The following ERC1 variants were observed in gnomAD, a reference collection of about 807,000 sequenced individuals.
ERC1 encodes the protein RAB6 interacting protein 2.
A neutral mutation model predicts 132.0 loss-of-function variants in ERC1; 56 were observed. The ratio of observed to expected loss-of-function variants is 0.42; its 90% CI spans 0.34 to 0.53. ERC1 has a LOEUF of 0.53. ERC1 is among the 20% of genes least tolerant of loss of function. The probability of loss-of-function intolerance (pLI) is 0.03; values close to 1 mark genes in which losing one functional copy is unlikely to be tolerated. For missense variants in ERC1, 1,202 were observed against 1,349.9 expected (o/e 0.89, Z 1.72); for synonymous variants, 478 against 476.1 (o/e 1.00, Z -0.05).
rs377004883 is a variant in ERC1 at position 1,297,602 on chromosome 12, G to A, written c.2780+7590G>A. Among the ~76,000 whole-genome samples, 56 of 150,288 alleles carry A rather than the reference G, an allele frequency of 3.7e-4. 2 individuals are homozygous for A. The South Asian group carries it at 0.011, about 30-fold the overall frequency. ...GCTCATACTCTTGTTCCAATTACTT[G>A]GGAGGCTGAGACTGAGGATTCCTGG... On this transcript the variant is annotated intron_variant, in intron 15 of 18. Transcript: ENST00000360905.
At chr12:1,248,390 G>A (rs1313011696) in intron 13 of ERC1, among the ~76,000 whole-genome samples, 3 of 152,160 alleles carry the variant, frequency 2.0e-5, no homozygotes, top group Non-Finnish European at 2.9e-5. Flanking sequence ...AGGACACTGT[G>A]ATAGATGATG....
At chr12:1,194,519 G>T (rs566264208) in intron 12 of ERC1, among the ~76,000 whole-genome samples, 1 of 152,090 alleles carries the variant, frequency 6.6e-6, no homozygotes, top group Non-Finnish European at 1.5e-5. Context: ...TTTCACTCAC[G>T]CTGTCCATCT....
intron 17 of ERC1, among the ~76,000 whole-genome samples, chr12:1,432,936 C>T (rs975906818): frequency 5.9e-5 from 9 of 152,350 alleles, no homozygotes; most frequent in Middle Eastern, 3.4e-3. Flanking sequence ...AAACTGAATA[C>T]CCAGTCATTA....
At chr12:1,279,025 C>T (rs1044924314) in intron 14 of ERC1, among the ~76,000 whole-genome samples, 1 of 151,982 alleles carries the variant, frequency 6.6e-6, no homozygotes, top group African/African-American at 2.4e-5. Flanking sequence ...ATTTAAAATC[C>T]TTCTAAGTGA....
At chr12:1,072,294 A>T (rs889619925) in intron 2 of ERC1, among the ~76,000 whole-genome samples, 1 of 152,242 alleles carries the variant, frequency 6.6e-6, no homozygotes, top group Non-Finnish European at 1.5e-5. Context: ...GAATTGGCAG[A>T]TAACCAAGGA....
At chr12:1,454,297 A>T (rs904434521) in intron 18 of ERC1, among the ~76,000 whole-genome samples, 1 of 152,170 alleles carries the variant, frequency 6.6e-6, no homozygotes, top group Non-Finnish European at 1.5e-5. Flanking sequence ...CATTTGTGTT[A>T]TCCTTTGAAA....
At chr12:1,487,649 G>C (rs2094247811) in intron 18 of ERC1, among the ~76,000 whole-genome samples, 1 of 150,504 alleles carries the variant, frequency 6.6e-6, no homozygotes, top group Non-Finnish European at 1.5e-5. Context: ...GAGGTCAGGA[G>C]GTCGAGGCCA....
At chr12:1,315,494 G>A (rs2154351801) in intron 15 of ERC1, among the ~76,000 whole-genome samples, 1 of 151,970 alleles carries the variant, frequency 6.6e-6, no homozygotes, top group African/African-American at 2.4e-5. Context: ...GGGATTACAG[G>A]TGCCCGCCAC....
chr12:1,110,250 T>A lies in ERC1; in HGVS notation c.1220T>A (p.Met407Lys). 8 of 1,613,602 alleles carry A rather than the reference T, an allele frequency of 5.0e-6. No individual in the cohort carries two copies. The highest frequency in any genetic ancestry group is 6.8e-6 in the Non-Finnish European group (8 of 1,179,742). The change falls in exon 5 of 19, where the codon ATG becomes AAG. Residue 407 changes from methionine to lysine, a missense_variant. Met to Lys is a moderately conservative substitution (Grantham distance 95). Coordinates refer to ENST00000360905, the MANE Select transcript of ERC1 (RefSeq NM_178040.4). ...CGAGACCTGGAAGAGGAAATTCAGATGCTGAAATCGAATGGTGCTTTGAGT... is the reference window on the plus strand; with the variant it reads ...CGAGACCTGGAAGAGGAAATTCAGAAGCTGAAATCGAATGGTGCTTTGAGT... ...GLRDLEEEIQMLKSNGALSTE... is the reference protein window; with the variant it reads ...GLRDLEEEIQKLKSNGALSTE...
intron 17 of ERC1, among the ~76,000 whole-genome samples, chr12:1,411,225 T>C (rs979531283): frequency 1.3e-5 from 2 of 152,152 alleles, no homozygotes; most frequent in African/African-American, 4.8e-5. Context: ...TCTGATGCCC[T>C]TGAGGTTTGA....
intron 3 of ERC1, among the ~76,000 whole-genome samples, chr12:1,095,290 C>T (rs961454969): frequency 1.3e-5 from 2 of 150,638 alleles, no homozygotes; most frequent in Non-Finnish European, 2.9e-5. Flanking sequence ...ATTAGCCAGG[C>T]ATGGTGGTGC....
chr12:1,120,678 T>C (rs1593431181), intron 7 of ERC1, among the ~76,000 whole-genome samples: 2 of 152,330 alleles, frequency 1.3e-5, no homozygotes, highest in African/African-American at 4.8e-5. Context: ...GCCAAAATAA[T>C]GTACACCTTA....
chr12:1,262,587 C>T (rs992495082), intron 13 of ERC1, among the ~76,000 whole-genome samples: 1 of 152,206 alleles, frequency 6.6e-6, no homozygotes, highest in Admixed American at 6.5e-5. Context: ...AGAATATCAT[C>T]TGAAAGATGA....
At chr12:1,177,460 C>T (rs539265700) in intron 8 of ERC1, among the ~76,000 whole-genome samples, 2 of 152,154 alleles carry the variant, frequency 1.3e-5, no homozygotes, top group East Asian at 3.9e-4. Flanking sequence ...ATTTAGAGGC[C>T]ATTGTTGGGT....
At chr12:1,454,111 T>G (rs1466985349) in intron 18 of ERC1, among the ~76,000 whole-genome samples, 1 of 152,102 alleles carries the variant, frequency 6.6e-6, no homozygotes, top group Non-Finnish European at 1.5e-5. Context: ...TGGCCAATGA[T>G]GTAATTAATC....
Position 1,180,616 on chromosome 12 carries a change from A to G in ERC1, c.1814A>G (p.Gln605Arg). Residue 605 changes from glutamine (Q) to arginine (R), a missense_variant, in exon 9 of 19, where the codon CAG becomes CGG. Transcript: ENST00000360905. ...TTGAAAGAACGGGTCAAATCCTTGC[A>G]GGCTGACACCACCAACACTGACACT... is the stretch of plus-strand genomic sequence containing the variant. Reference protein sequence around the residue: ...SSLKERVKSLQADTTNTDTAL... With the variant: ...SSLKERVKSLRADTTNTDTAL... The G allele has an allele frequency of 6.2e-7, 1 of 1,614,122 alleles. No homozygotes were observed. The highest frequency in any genetic ancestry group is 2.2e-5 in the East Asian group (1 of 44,886).
chr12:1,355,415 T>A (rs948732897), intron 15 of ERC1, among the ~76,000 whole-genome samples: 1 of 152,212 alleles, frequency 6.6e-6, no homozygotes, highest in African/African-American at 2.4e-5. Context: ...GCTTGCTGAT[T>A]CCTGCTTTAA....
At position 1,484,259 on chromosome 12, in the gene ERC1, C is replaced by G. The variant is rs996856452; in HGVS notation, c.3214-5834C>G. On this transcript the variant is annotated intron_variant, in intron 18 of 18. Coordinates refer to ENST00000360905, the MANE Select transcript of ERC1 (RefSeq NM_178040.4). ...TGTGGAGCTTGCAGTGAGCCGAGAT[C>G]GCACCACTGCACTCCAGCCTGGTGA... Among the ~76,000 whole-genome samples the G allele has an allele frequency of 7.3e-5, 11 of 151,340 alleles. 2 individuals are homozygous for G. Among genetic ancestry groups the G allele is most frequent in the Admixed American group, 7.2e-4 (11 of 15,240 alleles).
intron 1 of ERC1, among the ~76,000 whole-genome samples, chr12:992,488 G>GTCT (rs1959766004): frequency 2.6e-5 from 4 of 152,170 alleles, no homozygotes; most frequent in Admixed American, 2.0e-4. Context: ...CTCATTTGCA[G>GTCT]TTATGTTTCT....
Sources: allele counts gnomAD v4.1 joint callset (sites outside exome capture counted in the v4.1 genomes callset), GRCh38; gene constraint gnomAD v4.1.1; transcripts MANE v1.5; gene names NCBI Gene and HGNC (gene_info 2026-07-23, HGNC 2026-07-21).